The following DBNDD1 variants were observed in gnomAD, a reference collection of about 807,000 sequenced individuals.
DBNDD1 encodes dysbindin domain-containing protein 1.
A neutral mutation model predicts 17.0 loss-of-function variants in DBNDD1; 14 were observed. That is an observed-to-expected ratio of 0.82 (90% CI 0.54 to 1.29). The LOEUF is 1.29. Among genes scored for constraint, DBNDD1 ranks in the 50% most tolerant of loss-of-function variants. DBNDD1 has a pLI of 0.00. For synonymous variants in DBNDD1, 105 were observed against 102.0 expected, an observed-to-expected ratio of 1.03 and a Z score of -0.18; for missense variants, 221 against 216.2, an observed-to-expected ratio of 1.02 and a Z score of -0.14.
chr16:90,017,472 G>A (rs1370906641), intron 1 of DBNDD1, among the ~76,000 whole-genome samples: 1 of 150,462 alleles, frequency 6.6e-6, no homozygotes, highest in Admixed American at 6.7e-5. Flanking sequence ...TCCGGCCTGG[G>A]CAACAGAGCG....
intron 1 of DBNDD1, among the ~76,000 whole-genome samples, chr16:90,016,973 T>C (rs1250605273): frequency 6.6e-6 from 1 of 152,202 alleles, no homozygotes; most frequent in African/African-American, 2.4e-5. Flanking sequence ...TCAGGGATGC[T>C]GGAGTGGCCG....
At chr16:90,012,919 G>T (rs1380955964) in intron 1 of DBNDD1, among the ~76,000 whole-genome samples, 1 of 151,606 alleles carries the variant, frequency 6.6e-6, no homozygotes, top group Admixed American at 6.6e-5. Flanking sequence ...AATTTTTTTG[G>T]TAGAGACAGG....
intron 1 of DBNDD1, chr16:90,009,960 G>T: frequency 6.2e-7 from 1 of 1,613,568 alleles, no homozygotes; most frequent in East Asian, 2.2e-5. Flanking sequence ...TACAAACCAG[G>T]AGGAATAGGC....
chr16:90,018,269 C>G (rs2035680323), intron 1 of DBNDD1, among the ~76,000 whole-genome samples: 1 of 152,242 alleles, frequency 6.6e-6, no homozygotes, highest in Admixed American at 6.5e-5. Context: ...TGGTCCCTCC[C>G]ACAAATGACA....
intron 3 of DBNDD1, among the ~76,000 whole-genome samples, chr16:90,007,921 G>T (rs1341761572): frequency 6.7e-6 from 1 of 149,198 alleles, no homozygotes; most frequent in Non-Finnish European, 1.5e-5. Flanking sequence ...GTCCCAAGGG[G>T]CCTCACCCCC....
chr16:90,017,762 A>G (rs952172308), intron 1 of DBNDD1, among the ~76,000 whole-genome samples: 3 of 152,224 alleles, frequency 2.0e-5, no homozygotes. Context: ...ATCACTGGCC[A>G]CTTTGCAGAC....
chr16:90,011,692 G>A (rs942262882), intron 1 of DBNDD1: 2 of 455,224 alleles, frequency 4.4e-6, no homozygotes, highest in South Asian at 1.6e-5. Context: ...CCTTTCCACT[G>A]GCATCTGGAA....
intron 1 of DBNDD1, among the ~76,000 whole-genome samples, chr16:90,018,086 A>G (rs1283127325): frequency 6.6e-6 from 1 of 152,176 alleles, no homozygotes; most frequent in Non-Finnish European, 1.5e-5. Context: ...AACTGTCTCC[A>G]CTGACAGAAA....
chr16:90,009,603 G>A, intron 1 of DBNDD1, 173 bp from the exon 2 acceptor site: 1 of 962,740 alleles, frequency 1.0e-6, no homozygotes, highest in Non-Finnish European at 1.5e-6. Context: ...CAGACAAGGG[G>A]TTGAGGGGCT....
rs1235416540 is a variant in DBNDD1 at position 90,009,726 on chromosome 16, TG to T, written c.32-297del. The T allele has an allele frequency of 4.8e-6, 3 of 626,140 alleles. No homozygotes were observed. In the African/African-American group the frequency reaches 5.5e-5, roughly 12 times the overall value. 38.8% of individuals were successfully genotyped at this position (626,140 alleles called of 1,614,324 possible). ...CCCATGAAAGCCGACCATGCAGGCG[TG>T]GAAGTCCCACCAGGGCCCGCGTGGC... On this transcript the variant is annotated intron_variant, in intron 1 of 3. Coordinates refer to ENST00000002501, the MANE Select transcript of DBNDD1 (RefSeq NM_001042610.3).
chr16:90,010,636 T>G (rs1045335780), intron 1 of DBNDD1, among the ~76,000 whole-genome samples: 1 of 151,986 alleles, frequency 6.6e-6, no homozygotes, highest in African/African-American at 2.4e-5. Flanking sequence ...GCCCAACTGT[T>G]TCTTTTATAT....
rs2035712988 is a variant in DBNDD1 at position 90,019,121 on chromosome 16, G to A, written c.31+190C>T. ...CAGAGAACAAGGGGGCGGAGACTCG[G>A]TCCGTGTGCCCCCAGCCCCGCGCGG... is the stretch of plus-strand genomic sequence containing the variant. On this transcript the variant is annotated intron_variant, in intron 1 of 3. Transcript: ENST00000002501. This position sits in a 1 kb window ranked among gnomAD's most constrained non-coding sequence, Gnocchi z 6.1. Among the ~76,000 whole-genome samples the A allele has an allele frequency of 6.6e-6, 1 of 152,180 alleles. No individual in the cohort carries two copies. Among genetic ancestry groups the A allele is most frequent in the Admixed American group, 6.5e-5 (1 of 15,288 alleles).
chr16:90,016,090 C>T (rs2035636899), intron 1 of DBNDD1, among the ~76,000 whole-genome samples: 1 of 152,210 alleles, frequency 6.6e-6, no homozygotes, highest in East Asian at 1.9e-4. Context: ...ATGACAGAGA[C>T]TCACATACAC....
At chr16:90,009,944 G>C (rs746635725) in intron 1 of DBNDD1, 1 of 1,611,418 alleles carries the variant, frequency 6.2e-7, no homozygotes, top group Non-Finnish European at 8.5e-7. Context: ...CTCATTAAAT[G>C]AAAGTTACAA....
intron 1 of DBNDD1, among the ~76,000 whole-genome samples, chr16:90,014,333 G>GC (rs1258982167): frequency 6.6e-6 from 1 of 151,974 alleles, no homozygotes; most frequent in Non-Finnish European, 1.5e-5. Flanking sequence ...CTCCCTGTTG[G>GC]CCAGGCTGGT....
intron 1 of DBNDD1, among the ~76,000 whole-genome samples, chr16:90,017,439 G>C (rs1196186533): frequency 6.6e-6 from 1 of 151,960 alleles, no homozygotes; most frequent in Non-Finnish European, 1.5e-5. Flanking sequence ...AGGTTGCAGT[G>C]AGCCGAGATC....
intron 1 of DBNDD1, among the ~76,000 whole-genome samples, chr16:90,011,333 C>T (rs896661718): frequency 3.9e-5 from 6 of 152,216 alleles, no homozygotes; most frequent in Non-Finnish European, 7.4e-5. Flanking sequence ...CTGGAGCGTC[C>T]GTCCCGGTGC....
At chr16:90,012,785 CTG>C (rs2035577238) in intron 1 of DBNDD1, among the ~76,000 whole-genome samples, 1 of 145,208 alleles carries the variant, frequency 6.9e-6, no homozygotes, top group Admixed American at 6.8e-5. Flanking sequence ...CAAGGTCTCA[CTG>C]TTGCCCAGGC....
chr16:90,019,298 G>C lies in DBNDD1; in HGVS notation c.31+13C>G, dbSNP rs1017457759. On this transcript the variant is annotated intron_variant, in intron 1 of 3. Coordinates refer to ENST00000002501, the MANE Select transcript of DBNDD1 (RefSeq NM_001042610.3). The surrounding 1 kb of genome is among the most constrained non-coding windows in gnomAD (Gnocchi z 6.1). ...CGCTGCGCGGGGGTCTCGGGGGCTG[G>C]GGCTGAACTCACCTCCGGTGCCGGC... 3.9e-5 allele frequency: 47 copies of C among 1,217,262 alleles called. No individual in the cohort carries two copies. In the African/African-American group the frequency reaches 6.6e-4, roughly 17 times the overall value. The allele number at this position is 1,217,262 out of a possible 1,614,324, so 75.4% of individuals were successfully genotyped here. A position where few individuals can be genotyped will look rare whatever the true frequency, so the allele number is the denominator to read the frequency against.
Sources: gnomAD v4.1 joint callset for allele counts (sites outside exome capture counted in the v4.1 genomes callset) on GRCh38, gnomAD v4.1.1 for gene constraint, Gnocchi (gnomAD v3.1) non-coding constraint, MANE v1.5 for transcripts, NCBI Gene and HGNC (gene_info 2026-07-23, HGNC 2026-07-21) for gene names.